PI4KA: variants seen among roughly 807,000 people sequenced by gnomAD.
PI4KA encodes PI4-kinase alpha.
PI4KA carries 122 observed loss-of-function variants against 271.4 expected under a neutral mutation model. That is an observed-to-expected ratio of 0.45 (90% CI 0.39 to 0.52). PI4KA has a LOEUF of 0.52. PI4KA is among the 20% of genes least tolerant of loss of function. The pLI is 0.00. For missense variants in PI4KA, 1,969 were observed against 2,769.1 expected (o/e 0.71, Z 6.48); for synonymous variants, 1,041 against 1,078.8 (o/e 0.96, Z 0.69).
intron 19 of PI4KA, chr22:20,784,061 C>G (rs756525062): frequency 1.9e-6 from 3 of 1,614,020 alleles, no homozygotes; most frequent in Non-Finnish European, 2.5e-6. Flanking sequence ...TTCCATGATG[C>G]AGACCAAGGG....
At chr22:20,779,551 T>C (rs1933586636) in intron 19 of PI4KA, 1 of 1,614,180 alleles carries the variant, frequency 6.2e-7, no homozygotes, top group African/African-American at 1.3e-5. Flanking sequence ...GACGACTATC[T>C]GGACCTGGAG....
At chr22:20,773,123 C>T (rs1056626561) in intron 19 of PI4KA, among the ~76,000 whole-genome samples, 3 of 151,106 alleles carry the variant, frequency 2.0e-5, no homozygotes, top group Non-Finnish European at 4.4e-5. Context: ...TGGTGGCTCA[C>T]GCATGTAATC....
intron 10 of PI4KA, 64 bp from the exon 11 acceptor site, chr22:20,805,229 G>T: frequency 3.4e-6 from 4 of 1,161,620 alleles, no homozygotes; most frequent in Non-Finnish European, 3.8e-6. Context: ...GGCAGTGCTA[G>T]CAGCGGCTAC....
At chr22:20,721,826 T>C in intron 42 of PI4KA, 1 of 184,216 alleles carries the variant, frequency 5.4e-6, no homozygotes, top group East Asian at 1.3e-4. Context: ...CATGCAGAGA[T>C]ACCTCCTTCA....
chr22:20,794,279 G>A (rs1039872255), intron 18 of PI4KA, among the ~76,000 whole-genome samples: 1 of 152,162 alleles, frequency 6.6e-6, no homozygotes, highest in Non-Finnish European at 1.5e-5. Flanking sequence ...CCACAAGGTG[G>A]GGCACTGAGG....
At chr22:20,847,507 T>C (rs1926415623) in intron 1 of PI4KA, among the ~76,000 whole-genome samples, 1 of 151,948 alleles carries the variant, frequency 6.6e-6, no homozygotes, top group Admixed American at 6.6e-5. Flanking sequence ...GGTGGATCTC[T>C]TGAGCCCAGG....
At chr22:20,729,610 C>T (rs1322644031) in intron 38 of PI4KA, 22 bp downstream of exon 38, 24 of 1,558,606 alleles carry the variant, frequency 1.5e-5, no homozygotes, top group Non-Finnish European at 2.1e-5. Flanking sequence ...GCAGCAGGCA[C>T]AGCTGCACCT....
At chr22:20,746,870 G>A (rs1930172806) in intron 29 of PI4KA, among the ~76,000 whole-genome samples, 1 of 152,158 alleles carries the variant, frequency 6.6e-6, no homozygotes, top group South Asian at 2.1e-4. Context: ...GGGCACTCAG[G>A]CCCCTCTCTC....
chr22:20,840,195 G>A (rs1925381368), intron 1 of PI4KA, among the ~76,000 whole-genome samples: 1 of 152,202 alleles, frequency 6.6e-6, no homozygotes, highest in Non-Finnish European at 1.5e-5. Context: ...TCCAACAATA[G>A]TGCCTGAAAG....
intron 19 of PI4KA, among the ~76,000 whole-genome samples, chr22:20,790,517 C>T (rs1218579081): frequency 6.6e-6 from 1 of 151,756 alleles, no homozygotes; most frequent in East Asian, 1.9e-4. Flanking sequence ...AAAAATTAGC[C>T]GTGCATGGTG....
At chr22:20,731,352 C>T (rs893884709) in intron 36 of PI4KA, among the ~76,000 whole-genome samples, 3 of 152,192 alleles carry the variant, frequency 2.0e-5, no homozygotes, top group African/African-American at 7.2e-5. Flanking sequence ...AGCCAGAAAG[C>T]TGCCTTAGAA....
In PI4KA at chr22:20,742,598, A is replaced by C; in HGVS notation, c.3613+10T>G. On this transcript the variant is annotated intron_variant, in intron 31 of 54. Transcript: ENST00000255882. ...CGAGCCCAGAATTCCACAGTGCTTCAGTGAGTTACCTTTACTGCTAATGAG... is the reference window on the plus strand; with the variant it reads ...CGAGCCCAGAATTCCACAGTGCTTCCGTGAGTTACCTTTACTGCTAATGAG... 1 of 1,613,916 alleles carries C rather than the reference A, an allele frequency of 6.2e-7. No homozygotes were observed. The highest frequency in any genetic ancestry group is 2.2e-5 in the East Asian group (1 of 44,888).
intron 36 of PI4KA, among the ~76,000 whole-genome samples, chr22:20,732,474 A>T (rs919896361): frequency 9.8e-5 from 15 of 152,340 alleles, no homozygotes; most frequent in African/African-American, 2.9e-4. Context: ...CGGTGCAGCC[A>T]TTCAGACTCA....
At chr22:20,730,656 T>C (rs1420650969) in intron 36 of PI4KA, among the ~76,000 whole-genome samples, 11 of 152,082 alleles carry the variant, frequency 7.2e-5, no homozygotes, top group Non-Finnish European at 1.3e-4. Context: ...CTGCAACCTC[T>C]GCCTCCCGGG....
Position 20,766,938 on chromosome 22 carries a change from C to T in PI4KA, c.2329-1245G>A, listed in dbSNP as rs7364314. 2.5e-3 allele frequency among the ~76,000 whole-genome samples: 379 copies of T among 152,246 alleles called. 2 individuals carry two copies. The highest frequency in any genetic ancestry group is 8.7e-3 in the African/African-American group (362 of 41,524). On this transcript the variant is annotated intron_variant, in intron 19 of 54. Coordinates refer to ENST00000255882, the MANE Select transcript of PI4KA (RefSeq NM_058004.4). ...CACAGCAGGCAGGACTGTAAACTGT[C>T]ACAACACTTCTTTGAAAGCAATTTG...
At chr22:20,851,886 T>C (rs952911284) in intron 1 of PI4KA, among the ~76,000 whole-genome samples, 1 of 152,160 alleles carries the variant, frequency 6.6e-6, no homozygotes, top group Non-Finnish European at 1.5e-5. Context: ...TGCCAACATA[T>C]ACAACAAAAG....
At chr22:20,797,290 T>C (rs907125371) in intron 17 of PI4KA, among the ~76,000 whole-genome samples, 7 of 152,102 alleles carry the variant, frequency 4.6e-5, no homozygotes, top group African/African-American at 1.7e-4. Context: ...GAGCCAGAAC[T>C]GAAGAACTGG....
At chr22:20,755,217 T>C (rs893249520) in intron 23 of PI4KA, among the ~76,000 whole-genome samples, 4 of 152,236 alleles carry the variant, frequency 2.6e-5, no homozygotes, top group Non-Finnish European at 5.9e-5. Context: ...TATAATCCAA[T>C]ACCATTTATT....
chr22:20,828,559 T>C (rs565128430), intron 3 of PI4KA, among the ~76,000 whole-genome samples: 1 of 152,178 alleles, frequency 6.6e-6, no homozygotes, highest in African/African-American at 2.4e-5. Context: ...GTGGATTTTT[T>C]TGGGGTTTTT....
Sources: allele counts gnomAD v4.1 joint callset (sites outside exome capture counted in the v4.1 genomes callset), GRCh38; gene constraint gnomAD v4.1.1; transcripts MANE v1.5; gene names NCBI Gene and HGNC (gene_info 2026-07-23, HGNC 2026-07-21).